FOCAD: variants seen among roughly 807,000 people sequenced by gnomAD.
FOCAD encodes focadhesin.
Under a neutral mutation model 225.6 loss-of-function variants are expected in FOCAD, and 198 were observed. The ratio of observed to expected loss-of-function variants is 0.88; its 90% CI spans 0.78 to 0.99. The LOEUF (loss-of-function observed/expected upper bound fraction) is 0.99. Among genes scored for constraint, FOCAD ranks in the 50% least tolerant of loss-of-function variants. FOCAD has a pLI of 0.00. For missense variants in FOCAD, 2,713 were observed against 2,123.6 expected (o/e 1.28, Z -5.46); for synonymous variants, 897 against 755.0 (o/e 1.19, Z -3.08).
chr9:20,755,600 G>A (rs1485838912), intron 5 of FOCAD, among the ~76,000 whole-genome samples: 1 of 151,940 alleles, frequency 6.6e-6, no homozygotes. Flanking sequence ...AAAGCACTTC[G>A]GTGCCTTATG....
At chr9:20,760,701 G>A (rs114001999) in intron 6 of FOCAD, among the ~76,000 whole-genome samples, 1,605 of 152,190 alleles carry the variant, frequency 0.011, 20 homozygotes, top group African/African-American at 0.036. Context: ...TTACAGTTGC[G>A]ACATTATCAT....
At chr9:20,827,375 A>G (rs974867351) in intron 15 of FOCAD, among the ~76,000 whole-genome samples, 1 of 152,098 alleles carries the variant, frequency 6.6e-6, no homozygotes, top group African/African-American at 2.4e-5. Flanking sequence ...GCATGTCAGT[A>G]CTGTATTTCT....
At chr9:20,863,869 G>A (rs1204803179) in intron 16 of FOCAD, among the ~76,000 whole-genome samples, 1 of 152,048 alleles carries the variant, frequency 6.6e-6, no homozygotes, top group Non-Finnish European at 1.5e-5. Context: ...TTTATTACAG[G>A]TTAATTTATG....
chr9:20,667,512 A>G (rs753103003), intron 2 of FOCAD, among the ~76,000 whole-genome samples: 149 of 152,334 alleles, frequency 9.8e-4, no homozygotes, highest in Middle Eastern at 3.4e-3. Context: ...CTCATCCAAA[A>G]TTAATCCCAC....
chr9:20,694,237 T>A (rs1018746088), intron 1 of FOCAD, among the ~76,000 whole-genome samples: 2 of 152,186 alleles, frequency 1.3e-5, no homozygotes, highest in African/African-American at 4.8e-5. Flanking sequence ...TTTTCAAACC[T>A]TTTCTAAGGT....
rs1413367275 is a variant in FOCAD, at chr9:20,758,196, T to C, written c.494+5T>C. On this transcript the variant is annotated splice_donor_5th_base_variant and intron_variant, in intron 6 of 43. Coordinates refer to ENST00000338382, the MANE Select transcript of FOCAD (RefSeq NM_001375567.1). ...TTTCCAGCAGTGCCCTGAAAGGTAATGTAAAATAAAAGTGTAAAATAAAGT... is the reference window on the plus strand; with the variant it reads ...TTTCCAGCAGTGCCCTGAAAGGTAACGTAAAATAAAAGTGTAAAATAAAGT... 5.0e-6 allele frequency: 8 copies of C among 1,605,158 alleles called. No individual in the cohort carries two copies. In the South Asian group the frequency reaches 7.8e-5, roughly 16 times the overall value.
chr9:20,660,927 G>A (rs1821698513), intron 2 of FOCAD, among the ~76,000 whole-genome samples: 1 of 152,114 alleles, frequency 6.6e-6, no homozygotes, highest in Non-Finnish European at 1.5e-5. Context: ...AAATTATGGG[G>A]ACATTCCATG....
At chr9:20,778,455 C>G (rs1373933735) in intron 8 of FOCAD, among the ~76,000 whole-genome samples, 1 of 152,130 alleles carries the variant, frequency 6.6e-6, no homozygotes, top group Non-Finnish European at 1.5e-5. Context: ...CTTCTGACCT[C>G]GTGATCCACC....
At chr9:20,966,700 A>T (rs1564215416) in intron 35 of FOCAD, among the ~76,000 whole-genome samples, 1 of 151,980 alleles carries the variant, frequency 6.6e-6, no homozygotes. Context: ...ATTTAGTGTT[A>T]GGTAGGGACC....
intron 41 of FOCAD, 46 bp from the exon 42 acceptor site, chr9:20,990,077 A>C: frequency 6.2e-7 from 1 of 1,608,422 alleles, no homozygotes; most frequent in Non-Finnish European, 8.5e-7. Flanking sequence ...TGTTACTTTG[A>C]ATTGTTAAAA....
chr9:20,718,985 ATTGT>A (rs911045135), intron 3 of FOCAD, among the ~76,000 whole-genome samples: 4 of 152,200 alleles, frequency 2.6e-5, no homozygotes, highest in Non-Finnish European at 4.4e-5. Flanking sequence ...TCCTGTAGTG[ATTGT>A]TAACTGTATT....
At chr9:20,968,243 A>AT (rs1349450988) in intron 35 of FOCAD, among the ~76,000 whole-genome samples, 1 of 151,742 alleles carries the variant, frequency 6.6e-6, no homozygotes, top group Non-Finnish European at 1.5e-5. Context: ...GTTGGCATAC[A>AT]TTTTTTCGTA....
chr9:20,932,598 G>A (rs1269982309), intron 27 of FOCAD, among the ~76,000 whole-genome samples: 1 of 152,200 alleles, frequency 6.6e-6, no homozygotes, highest in Admixed American at 6.5e-5. Context: ...AGAAGTGACA[G>A]TCTTTGCAAG....
intron 15 of FOCAD, among the ~76,000 whole-genome samples, chr9:20,858,041 C>G (rs1828378023): frequency 1.0e-5 from 1 of 98,596 alleles, no homozygotes; most frequent in East Asian, 3.4e-4. Flanking sequence ...AGATATTGGC[C>G]TGTAGTTCTC....
intron 35 of FOCAD, among the ~76,000 whole-genome samples, chr9:20,954,256 T>C (rs1439756555): frequency 6.6e-6 from 1 of 152,222 alleles, no homozygotes; most frequent in East Asian, 1.9e-4. Context: ...AAATTAAGTC[T>C]ACTTAAAATA....
intron 4 of FOCAD, among the ~76,000 whole-genome samples, chr9:20,725,874 C>T (rs948343125): frequency 5.3e-5 from 8 of 152,096 alleles, no homozygotes; most frequent in African/African-American, 1.9e-4. Flanking sequence ...CTGTTCAAAG[C>T]TGAGGCAACA....
At chr9:20,657,890 T>C (rs1175331682), upstream of FOCAD, among the ~76,000 whole-genome samples, 1 of 129,592 alleles carries the variant, frequency 7.7e-6, no homozygotes, top group Non-Finnish European at 1.6e-5. Context: ...TGTTCTGTTT[T>C]TTCCCCATCT....
At chr9:20,995,410 C>T in intron 43 of FOCAD, 146 bp from the exon 44 acceptor site, 1 of 406,970 alleles carries the variant, frequency 2.5e-6, no homozygotes, top group East Asian at 4.1e-5. Context: ...AAATGGTTTT[C>T]TGCCATTAAA....
intron 1 of FOCAD, among the ~76,000 whole-genome samples, chr9:20,697,741 A>G (rs1823491308): frequency 6.6e-6 from 1 of 152,240 alleles, no homozygotes; most frequent in East Asian, 1.9e-4. Flanking sequence ...ATTAAAAACT[A>G]CTTATACTGT....
Sources: gnomAD v4.1 joint callset for allele counts (sites outside exome capture counted in the v4.1 genomes callset) on GRCh38, gnomAD v4.1.1 for gene constraint, MANE v1.5 for transcripts, NCBI Gene and HGNC (gene_info 2026-07-23, HGNC 2026-07-21) for gene names.